SMOC2: variants seen among roughly 807,000 people sequenced by gnomAD.
The protein encoded by SMOC2 is SPARC related modular calcium binding 2.
SMOC2 carries 39 observed loss-of-function variants against 61.4 expected under a neutral mutation model. The ratio of observed to expected loss-of-function variants is 0.64; its 90% CI spans 0.49 to 0.83. The LOEUF is 0.83. Ranked by LOEUF, SMOC2 falls within the 40% of genes least tolerant of loss-of-function variation. The pLI, the probability that SMOC2 is intolerant of heterozygous loss-of-function variation, is 0.00. For missense variants in SMOC2, 556 were observed against 592.9 expected (o/e 0.94, Z 0.65); for synonymous variants, 247 against 239.9 (o/e 1.03, Z -0.27).
At chr6:168,596,325 AT>A (rs1785334846) in intron 7 of SMOC2, among the ~76,000 whole-genome samples, 1 of 142,922 alleles carries the variant, frequency 7.0e-6, no homozygotes. Context: ...CTGGAGAGGA[AT>A]GAACAGGTGC....
At chr6:168,467,890 T>A (rs1781880078) in intron 1 of SMOC2, among the ~76,000 whole-genome samples, 1 of 152,250 alleles carries the variant, frequency 6.6e-6, no homozygotes, top group Non-Finnish European at 1.5e-5. Context: ...TTTTTAAAAT[T>A]TAATGTATTA....
intron 9 of SMOC2, among the ~76,000 whole-genome samples, chr6:168,615,602 AGG>A (rs67700200): frequency 1.6e-4 from 8 of 49,520 alleles, no homozygotes; most frequent in East Asian, 7.4e-4. Flanking sequence ...CAGCCAGCAC[AGG>A]GGGCCTCTTC....
intron 9 of SMOC2, among the ~76,000 whole-genome samples, chr6:168,634,458 G>A (rs1434111563): frequency 6.6e-6 from 1 of 152,186 alleles, no homozygotes; most frequent in Non-Finnish European, 1.5e-5. Flanking sequence ...AGATTTAAGA[G>A]TGGGTCATAG....
intron 1 of SMOC2, among the ~76,000 whole-genome samples, chr6:168,487,039 T>A (rs1320570569): frequency 5.3e-5 from 8 of 152,182 alleles, no homozygotes; most frequent in Non-Finnish European, 1.2e-4. Flanking sequence ...ACATGAGAAT[T>A]AAGTGACATG....
rs61585026 is a variant in SMOC2, at chr6:168,461,700, A to G, written c.84+20246A>G. Among the ~76,000 whole-genome samples the G allele has an allele frequency of 1.3e-3, 200 of 152,330 alleles. 7 individuals are homozygous for G. In the East Asian group the frequency reaches 0.035, roughly 27 times the overall value. The stretch of plus-strand genomic sequence containing the variant: ...GTCGGGTCAAGCGTCACTATTTGAC[A>G]TAAATGGAGACATCTGGCTGTCACC... On this transcript the variant is annotated intron_variant, in intron 1 of 12. Coordinates refer to ENST00000356284, the MANE Select transcript of SMOC2 (RefSeq NM_001166412.2).
At chr6:168,647,043 G>A (rs531142608) in intron 9 of SMOC2, among the ~76,000 whole-genome samples, 1 of 152,332 alleles carries the variant, frequency 6.6e-6, no homozygotes, top group Non-Finnish European at 1.5e-5. Flanking sequence ...ACATGGTGTG[G>A]ACTTTGAGAG....
chr6:168,513,101 C>A (rs1416558352), intron 2 of SMOC2, among the ~76,000 whole-genome samples: 1 of 152,188 alleles, frequency 6.6e-6, no homozygotes, highest in Non-Finnish European at 1.5e-5. Context: ...TACTTGTATG[C>A]ACTATTTACA....
intron 9 of SMOC2, among the ~76,000 whole-genome samples, chr6:168,622,450 C>G (rs1021522780): frequency 4.6e-5 from 7 of 151,936 alleles, no homozygotes; most frequent in Non-Finnish European, 7.4e-5. Context: ...TGTGCCTCTC[C>G]TGGTGCCTGG....
intron 7 of SMOC2, among the ~76,000 whole-genome samples, chr6:168,565,391 C>G (rs1192219187): frequency 6.6e-6 from 1 of 152,146 alleles, no homozygotes; most frequent in Non-Finnish European, 1.5e-5. Flanking sequence ...TCTCCGTGGT[C>G]TTCCCTCTGT....
chr6:168,610,018 A>G (rs993464388), intron 9 of SMOC2, among the ~76,000 whole-genome samples: 1 of 152,136 alleles, frequency 6.6e-6, no homozygotes, highest in Non-Finnish European at 1.5e-5. Flanking sequence ...CTAATCTGTT[A>G]CACTCTAGAC....
chr6:168,624,979 A>G (rs548159397), intron 9 of SMOC2, among the ~76,000 whole-genome samples: 2 of 152,144 alleles, frequency 1.3e-5, no homozygotes, highest in African/African-American at 2.4e-5. Flanking sequence ...GCACACCACC[A>G]CCACCACCAG....
At chr6:168,498,645 A>C (rs1227964800) in intron 1 of SMOC2, among the ~76,000 whole-genome samples, 1 of 152,138 alleles carries the variant, frequency 6.6e-6, no homozygotes, top group Non-Finnish European at 1.5e-5. Flanking sequence ...ACTGTGTTGC[A>C]TGAGGACGGC....
intron 8 of SMOC2, 57 bp downstream of exon 8, chr6:168,599,061 C>T (rs956894655): frequency 4.6e-5 from 69 of 1,484,336 alleles, no homozygotes; most frequent in Middle Eastern, 2.4e-4. Flanking sequence ...GGTGTGGAAG[C>T]CAGGAAAGCA....
At chr6:168,488,746 G>A (rs1369212525) in intron 1 of SMOC2, among the ~76,000 whole-genome samples, 1 of 151,178 alleles carries the variant, frequency 6.6e-6, no homozygotes, top group African/African-American at 2.4e-5. Context: ...GGTCCCCTTG[G>A]ATCACACTGT....
At chr6:168,582,001 T>C (rs6938974) in intron 7 of SMOC2, among the ~76,000 whole-genome samples, 61,487 of 152,104 alleles carry the variant, frequency 0.4, 12,881 homozygotes, top group Middle Eastern at 0.55. Context: ...GCTTGTCTGC[T>C]TGCTTCATGG....
chr6:168,513,884 G>A (rs1049196822), intron 2 of SMOC2, among the ~76,000 whole-genome samples: 10 of 152,168 alleles, frequency 6.6e-5, no homozygotes, highest in Non-Finnish European at 1.3e-4. Flanking sequence ...CACTGGAAAC[G>A]GTTTCACGTG....
rs1490000453 is a variant in SMOC2, at chr6:168,565,550, T to C, written c.637+16347T>C. On this transcript the variant is annotated intron_variant, in intron 7 of 12. Transcript: ENST00000356284. ...ATCCTTAATAAACTTCTTAAAGGCT[T>C]TATCTCCAAATACAGTCACATTCAG... Among the ~76,000 whole-genome samples the C allele has an allele frequency of 1.8e-4, 28 of 152,238 alleles. 1 individual carries two copies. The highest frequency in any genetic ancestry group is 1.8e-3 in the Admixed American group (28 of 15,280).
intron 1 of SMOC2, among the ~76,000 whole-genome samples, chr6:168,457,750 G>A (rs1781620665): frequency 6.6e-6 from 1 of 152,106 alleles, no homozygotes; most frequent in Non-Finnish European, 1.5e-5. Flanking sequence ...ACCCTGCTGA[G>A]CAGGATGGCA....
At chr6:168,511,814 G>GTTTTTTTTT (rs56346133) in intron 2 of SMOC2, among the ~76,000 whole-genome samples, 1 of 142,804 alleles carries the variant, frequency 7.0e-6, no homozygotes. Flanking sequence ...ATCAAGGGTT[G>GTTTTTTTTT]TTTTTTTTTT....
Sources: allele counts gnomAD v4.1 joint callset (sites outside exome capture counted in the v4.1 genomes callset), GRCh38; gene constraint gnomAD v4.1.1; transcripts MANE v1.5; gene names NCBI Gene and HGNC (gene_info 2026-07-23, HGNC 2026-07-21).